The following ZNF469 variants were observed in gnomAD, a reference collection of about 807,000 sequenced individuals.
ZNF469 encodes zinc finger protein 469.
In ZNF469, 1 loss-of-function variant was observed where a neutral mutation model predicts 1.0. That is an observed-to-expected ratio of 1.00 (90% CI 0.35 to 4.73). The LOEUF (loss-of-function observed/expected upper bound fraction) is 4.73, where lower values mean the gene tolerates loss of function less well. Among genes scored for constraint, ZNF469 ranks in the 30% most tolerant of loss-of-function variants. The probability of loss-of-function intolerance (pLI) is 0.16; values close to 1 mark genes in which losing one functional copy is unlikely to be tolerated. For missense variants in ZNF469, 6,100 were observed against 5,356.3 expected (o/e 1.14, Z -4.33); for synonymous variants, 2,703 against 2,363.4 (o/e 1.14, Z -4.17).
chr16:88,222,199 C>G, the ZNF469 span, among the ~76,000 whole-genome samples: 2 of 152,258 alleles, frequency 1.3e-5, no homozygotes, highest in East Asian at 3.8e-4. Flanking sequence ...TTTCTGTTTT[C>G]TCTCTGCCTC....
chr16:88,308,312 T>A, the ZNF469 span, among the ~76,000 whole-genome samples: 1 of 152,160 alleles, frequency 6.6e-6, no homozygotes, highest in East Asian at 1.9e-4. Context: ...CTATTCTGAG[T>A]CCCTTACATT....
At chr16:88,334,658 G>A in the ZNF469 span, among the ~76,000 whole-genome samples, 2 of 152,184 alleles carry the variant, frequency 1.3e-5, no homozygotes, top group Admixed American at 1.3e-4. Flanking sequence ...TTCATATAAG[G>A]GTGTCGGCAG....
In ZNF469 at chr16:88,430,771, G is replaced by A; in HGVS notation, c.3301G>A (p.Asp1101Asn). The change falls in exon 3 of 3, where the codon GAC becomes AAC. Residue 1101 changes from aspartate to asparagine, a missense_variant. Transcript: ENST00000565624. ...CGACTTCGCCTCGGAGTCCGAGGAG[G>A]ACGAGCAGCCTCCGCCGCGGGGCCC... ...EYDFASESEE[D>N]EQPPPRGPGF... 3 of 1,524,090 alleles carry A rather than the reference G, an allele frequency of 2.0e-6. No individual in the cohort carries two copies. The highest frequency in any genetic ancestry group is 2.6e-6 in the Non-Finnish European group (3 of 1,142,214). 94.4% of individuals were successfully genotyped at this position (1,524,090 alleles called of 1,614,324 possible).
the ZNF469 span, among the ~76,000 whole-genome samples, chr16:88,255,944 C>T: frequency 1.3e-5 from 2 of 152,144 alleles, no homozygotes; most frequent in Non-Finnish European, 2.9e-5. Flanking sequence ...TTGGAGATGT[C>T]ATTTGTGATT....
chr16:88,107,331 C>G, the ZNF469 span, among the ~76,000 whole-genome samples: 2,521 of 152,236 alleles, frequency 0.017, 74 homozygotes, highest in African/African-American at 0.057. Context: ...TGGCGGAAGG[C>G]GAAGAAGAAG....
the ZNF469 span, among the ~76,000 whole-genome samples, chr16:88,104,272 A>G: frequency 2.7e-5 from 4 of 149,864 alleles, no homozygotes; most frequent in Non-Finnish European, 4.4e-5. Flanking sequence ...AAAAAAGACA[A>G]GGGATTTATT....
the ZNF469 span, among the ~76,000 whole-genome samples, chr16:88,268,320 C>A: frequency 6.6e-6 from 1 of 152,014 alleles, no homozygotes; most frequent in African/African-American, 2.4e-5. Context: ...TGTACATCAA[C>A]AACATTGACT....
At chr16:88,340,414 G>C in the ZNF469 span, among the ~76,000 whole-genome samples, 2 of 152,192 alleles carry the variant, frequency 1.3e-5, no homozygotes, top group Non-Finnish European at 2.9e-5. Context: ...AGGTGTCATG[G>C]GCCAGGCATC....
rs273585627 is a variant in ZNF469 at position 88,437,389 on chromosome 16, A to G, written c.9919A>G (p.Thr3307Ala). The G allele has an allele frequency of 9.1e-4, 1,397 of 1,534,580 alleles. 4 individuals carry two copies. Among genetic ancestry groups the G allele is most frequent in the Non-Finnish European group, 1.2e-3 (1,332 of 1,139,850 alleles). The change falls in exon 3 of 3, where the codon ACG becomes GCG. Residue 3307 changes from threonine (T) to alanine (A), a missense_variant. By Grantham distance (58) the Thr-to-Ala change is moderately conservative. Coordinates refer to ENST00000565624, the MANE Select transcript of ZNF469 (RefSeq NM_001367624.2). Reference protein sequence around the residue: ...ADAGSPGPPRTTPSPSPDPWA... With the variant: ...ADAGSPGPPRATPSPSPDPWA... The stretch of plus-strand genomic sequence containing the variant: ...CGCCGGCAGCCCGGGCCCCCCCAGG[A>G]CGACCCCCAGCCCGTCCCCCGACCC...
the ZNF469 span, among the ~76,000 whole-genome samples, chr16:88,149,582 A>G: frequency 6.6e-6 from 1 of 152,216 alleles, no homozygotes; most frequent in South Asian, 2.1e-4. Flanking sequence ...CGAGTCTTGC[A>G]CTCAGTCCAA....
the ZNF469 span, among the ~76,000 whole-genome samples, chr16:88,228,753 A>G: frequency 3.3e-5 from 5 of 152,206 alleles, no homozygotes; most frequent in Admixed American, 2.0e-4. Flanking sequence ...AATTGTTTCA[A>G]TAGTTGGGAT....
chr16:88,138,981 CA>C, the ZNF469 span, among the ~76,000 whole-genome samples: 2 of 152,360 alleles, frequency 1.3e-5, no homozygotes, highest in South Asian at 2.1e-4. Flanking sequence ...GCTGTGCTGA[CA>C]GGGGGGACCC....
chr16:88,347,670 G>A, the ZNF469 span, among the ~76,000 whole-genome samples: 33 of 152,320 alleles, frequency 2.2e-4, no homozygotes, highest in African/African-American at 7.2e-4. Context: ...TGGGGAAGGC[G>A]GGGCCAGTCT....
At chr16:88,101,859 G>A in the ZNF469 span, among the ~76,000 whole-genome samples, 29 of 152,156 alleles carry the variant, frequency 1.9e-4, no homozygotes, top group African/African-American at 6.8e-4. Context: ...CCTTTAGAAG[G>A]TTCCTCCATG....
At chr16:88,415,906 C>T (rs868298448) in intron 1 of ZNF469, among the ~76,000 whole-genome samples, 10 of 152,250 alleles carry the variant, frequency 6.6e-5, no homozygotes, top group Admixed American at 2.0e-4. Context: ...GCGGCAGGCA[C>T]GCAGCCCGGC....
At position 88,437,025 on chromosome 16, in the gene ZNF469, C is replaced by G. The variant is rs273585636; in HGVS notation, c.9555C>G (p.Ala3185=). The change falls in exon 3 of 3, where the codon GCC becomes GCG. Residue 3185 remains alanine (A), a synonymous_variant. Coordinates refer to ENST00000565624, the MANE Select transcript of ZNF469 (RefSeq NM_001367624.2). ...GCGGCATGTGCCTGAAGGAGGTGGC[C>G]GACGTCTGGATGTACAACGAGCACC... The part of the protein sequence containing the change: ...WACGMCLKEV[A]DVWMYNEHLR... 9.5e-4 allele frequency: 1,451 copies of G among 1,528,680 alleles called. 7 individuals carry two copies. The highest frequency in any genetic ancestry group is 5.8e-3 in the South Asian group (484 of 83,196). 94.7% of individuals were successfully genotyped at this position (1,528,680 alleles called of 1,614,324 possible). A position where few individuals can be genotyped will look rare whatever the true frequency, so the allele number is the denominator to read the frequency against.
At chr16:88,295,504 C>G in the ZNF469 span, among the ~76,000 whole-genome samples, 12 of 152,194 alleles carry the variant, frequency 7.9e-5, no homozygotes, top group South Asian at 8.3e-4. Flanking sequence ...TGGCAGGGCT[C>G]AGGGTCTGGA....
the ZNF469 span, among the ~76,000 whole-genome samples, chr16:88,286,532 C>A: frequency 6.6e-6 from 1 of 152,248 alleles, no homozygotes; most frequent in African/African-American, 2.4e-5. Context: ...GAGCCACTTG[C>A]CATCGGGAGA....
At chr16:88,179,739 T>C in the ZNF469 span, among the ~76,000 whole-genome samples, 3 of 152,248 alleles carry the variant, frequency 2.0e-5, no homozygotes, top group Admixed American at 6.5e-5. Context: ...TTTATGTATG[T>C]GGATTATATC....
Sources: allele counts gnomAD v4.1 joint callset (sites outside exome capture counted in the v4.1 genomes callset), GRCh38; gene constraint gnomAD v4.1.1; transcripts MANE v1.5; gene names NCBI Gene and HGNC (gene_info 2026-07-23, HGNC 2026-07-21).